Variants in ARK2C observed in about 807,000 individuals in gnomAD.
ARK2C encodes arkadia (RNF111) C-terminal like ring finger ubiquitin ligase 2C.
At chr18:46,365,995 T>C in the ARK2C span, among the ~76,000 whole-genome samples, 2 of 152,098 alleles carry the variant, frequency 1.3e-5, no homozygotes, top group African/African-American at 4.8e-5. Flanking sequence ...TGGGGTCTAA[T>C]TAAGAGATAA....
At chr18:46,368,934 C>T in the ARK2C span, among the ~76,000 whole-genome samples, 3 of 152,190 alleles carry the variant, frequency 2.0e-5, no homozygotes, top group Admixed American at 6.5e-5. Flanking sequence ...ACAGTAATTG[C>T]TTAGTGAATG....
the ARK2C span, among the ~76,000 whole-genome samples, chr18:46,380,340 G>C: frequency 6.6e-6 from 1 of 152,240 alleles, no homozygotes; most frequent in East Asian, 1.9e-4. Context: ...GGCGACTTGG[G>C]GAGTGTGCGC....
chr18:46,435,311 G>C, the ARK2C span: 62 of 1,614,008 alleles, frequency 3.8e-5, no homozygotes, highest in Non-Finnish European at 4.5e-5. Context: ...GCGTGTATCT[G>C]TCCACCCCCA....
chr18:46,429,334 G>A, the ARK2C span, among the ~76,000 whole-genome samples: 3 of 152,114 alleles, frequency 2.0e-5, no homozygotes, highest in Admixed American at 2.0e-4. Flanking sequence ...AAGCAGCTTC[G>A]GTCTGCCCTT....
the ARK2C span, among the ~76,000 whole-genome samples, chr18:46,353,813 A>G: frequency 6.6e-6 from 1 of 152,204 alleles, no homozygotes; most frequent in African/African-American, 2.4e-5. Flanking sequence ...GCCCATGTCA[A>G]GGACCCAGAG....
the ARK2C span, among the ~76,000 whole-genome samples, chr18:46,393,766 T>C: frequency 2.6e-5 from 4 of 152,358 alleles, no homozygotes; most frequent in African/African-American, 7.2e-5. Flanking sequence ...AGTAGAAAGA[T>C]GGTGGACTCA....
chr18:46,414,262 C>T, the ARK2C span, among the ~76,000 whole-genome samples: 4 of 152,340 alleles, frequency 2.6e-5, no homozygotes, highest in South Asian at 2.1e-4. Context: ...TGTCTTCTTC[C>T]TTAAGGGAAA....
the ARK2C span, among the ~76,000 whole-genome samples, chr18:46,374,052 C>A: frequency 6.6e-6 from 1 of 152,070 alleles, no homozygotes; most frequent in Non-Finnish European, 1.5e-5. Context: ...ATGAGCAGGG[C>A]CAGGCTGGGG....
At chr18:46,353,473 C>T in the ARK2C span, among the ~76,000 whole-genome samples, 2 of 152,116 alleles carry the variant, frequency 1.3e-5, no homozygotes, top group African/African-American at 2.4e-5. Flanking sequence ...ATCTGTGTAG[C>T]TTTTAGCACA....
At chr18:46,400,109 T>C in the ARK2C span, among the ~76,000 whole-genome samples, 3 of 152,176 alleles carry the variant, frequency 2.0e-5, no homozygotes, top group African/African-American at 7.2e-5. Flanking sequence ...TTGGCTTCAT[T>C]TCTCCTGGCG....
At chr18:46,436,292 G>A in the ARK2C span, among the ~76,000 whole-genome samples, 4 of 152,090 alleles carry the variant, frequency 2.6e-5, no homozygotes, top group South Asian at 4.1e-4. Flanking sequence ...GTGTGTGTGC[G>A]TGTAAGTATA....
the ARK2C span, among the ~76,000 whole-genome samples, chr18:46,422,985 C>T: frequency 1.1e-4 from 17 of 152,322 alleles, no homozygotes; most frequent in African/African-American, 3.8e-4. Flanking sequence ...TCCAACTGTT[C>T]CTAGTGTCAG....
At chr18:46,369,352 T>G in the ARK2C span, among the ~76,000 whole-genome samples, 1 of 146,032 alleles carries the variant, frequency 6.8e-6, no homozygotes, top group African/African-American at 2.6e-5. Flanking sequence ...GAGCAGAGAG[T>G]GTTGTAGAAT....
chr18:46,419,826 A>G, the ARK2C span, among the ~76,000 whole-genome samples: 1 of 151,710 alleles, frequency 6.6e-6, no homozygotes, highest in Non-Finnish European at 1.5e-5. Flanking sequence ...TTTCCCAGGC[A>G]TCTCCTCCCT....
the ARK2C span, among the ~76,000 whole-genome samples, chr18:46,376,855 G>A: frequency 6.6e-6 from 1 of 152,052 alleles, no homozygotes; most frequent in African/African-American, 2.4e-5. Flanking sequence ...ATTTTTAGCA[G>A]AGATGGGGTT....
At chr18:46,450,273 C>T in the ARK2C span, 1 of 1,516,346 alleles carries the variant, frequency 6.6e-7, no homozygotes, top group Non-Finnish European at 9.2e-7. Flanking sequence ...CTTGCTCTAT[C>T]CAAGGCGTTT....
At chr18:46,440,734 T>G in the ARK2C span, among the ~76,000 whole-genome samples, 1 of 152,240 alleles carries the variant, frequency 6.6e-6, no homozygotes, top group African/African-American at 2.4e-5. Flanking sequence ...CGAATAAGTT[T>G]TACACATTGT....
chr18:46,343,961 G>A, the ARK2C span, among the ~76,000 whole-genome samples: 5 of 152,214 alleles, frequency 3.3e-5, no homozygotes, highest in African/African-American at 9.7e-5. Flanking sequence ...TTGGGCCACT[G>A]AGCGGGACAT....
chr18:46,336,707 T>A, the ARK2C span: 1 of 985,448 alleles, frequency 1.0e-6, no homozygotes, highest in Non-Finnish European at 1.2e-6. Context: ...TCATCTTGTT[T>A]AGCCGAGTAC....
Sources: allele counts gnomAD v4.1 joint callset (sites outside exome capture counted in the v4.1 genomes callset), GRCh38; gene constraint gnomAD v4.1.1; transcripts MANE v1.5; gene names NCBI Gene and HGNC (gene_info 2026-07-23, HGNC 2026-07-21).